DAB1: variants seen among roughly 807,000 people sequenced by gnomAD.
The protein encoded by DAB1 is disabled homolog 1.
DAB1 carries 15 observed loss-of-function variants against 64.6 expected under a neutral mutation model. The observed-to-expected ratio is 0.23, with a 90% confidence interval of 0.16 to 0.36. The LOEUF is 0.36. Ranked by LOEUF, DAB1 falls within the 10% of genes least tolerant of loss-of-function variation. The probability of loss-of-function intolerance (pLI) is 1.00; values close to 1 mark genes in which losing one functional copy is unlikely to be tolerated. For synonymous variants in DAB1, 235 were observed against 251.9 expected, an observed-to-expected ratio of 0.93 and a Z score of 0.64; for missense variants, 596 against 706.7, an observed-to-expected ratio of 0.84 and a Z score of 1.78.
intron 6 of DAB1, among the ~76,000 whole-genome samples, chr1:57,748,293 A>C (rs1337315838): frequency 6.6e-6 from 1 of 152,206 alleles, no homozygotes; most frequent in Non-Finnish European, 1.5e-5. Flanking sequence ...GCAGTCCTTA[A>C]GCCCATGAGG....
intron 9 of DAB1, among the ~76,000 whole-genome samples, chr1:57,030,812 C>T (rs1013487449): frequency 2.0e-5 from 3 of 152,082 alleles, no homozygotes; most frequent in Non-Finnish European, 4.4e-5. Flanking sequence ...TCTTTTAGAC[C>T]CTCTTCCAAA....
At chr1:57,550,318 C>A (rs1644900415) in intron 7 of DAB1, among the ~76,000 whole-genome samples, 1 of 152,114 alleles carries the variant, frequency 6.6e-6, no homozygotes, top group Admixed American at 6.6e-5. Flanking sequence ...AGAGGCTAGA[C>A]CATGATCACT....
At chr1:58,505,272 C>T (rs1299412953) in intron 3 of DAB1, among the ~76,000 whole-genome samples, 2 of 152,216 alleles carry the variant, frequency 1.3e-5, no homozygotes, top group Non-Finnish European at 2.9e-5. Flanking sequence ...ATCTGTTGTG[C>T]TATGCCTTAG....
intron 4 of DAB1, among the ~76,000 whole-genome samples, chr1:57,122,862 G>T (rs1656786249): frequency 6.6e-6 from 1 of 151,936 alleles, no homozygotes; most frequent in South Asian, 2.1e-4. Context: ...CATCATCAAG[G>T]AGAATTTTAT....
rs148508280 is a variant in DAB1 at position 57,028,848 on chromosome 1, T to G, written c.724-2805A>C. Among the ~76,000 whole-genome samples, 219 of 152,294 alleles carry G rather than the reference T, an allele frequency of 1.4e-3. 2 individuals are homozygous for G. Among genetic ancestry groups the G allele is most frequent in the African/African-American group, 5.0e-3 (209 of 41,562 alleles). ...AGCATTCAATAGGTAACTTGGGTGC[T>G]GTTAAAAGCATTCAGTTTTCTAAGG... is the stretch of plus-strand genomic sequence containing the variant. On this transcript the variant is annotated intron_variant, in intron 9 of 14. Transcript: ENST00000371236.
chr1:57,412,132 G>C (rs757350339), intron 1 of DAB1, among the ~76,000 whole-genome samples: 2 of 152,194 alleles, frequency 1.3e-5, no homozygotes. Flanking sequence ...CAGGCACTAT[G>C]AGCCATGCCC....
At chr1:57,319,831 G>A (rs1043561366) in intron 1 of DAB1, among the ~76,000 whole-genome samples, 1 of 152,108 alleles carries the variant, frequency 6.6e-6, no homozygotes, top group Non-Finnish European at 1.5e-5. Flanking sequence ...AAAGAAAGGA[G>A]ATAAGTAAGG....
At chr1:57,392,672 C>T (rs1311497458) in intron 1 of DAB1, among the ~76,000 whole-genome samples, 1 of 152,204 alleles carries the variant, frequency 6.6e-6, no homozygotes, top group Non-Finnish European at 1.5e-5. Context: ...GCACTAAATT[C>T]ATCCAGGTGA....
In DAB1 at chr1:57,951,320, A is replaced by ATATATATATG. The variant is rs1553146809; in HGVS notation, n.388-67159_388-67158insCATATATATA. ...ATCCGGGAAGAGGAGCCTGATTCAT[A>ATATATATATG]TATATATATATACTTCCCTGGAAAC... On this transcript the variant is annotated intron_variant and non_coding_transcript_variant, in intron 5 of 20. Coordinates refer to the DAB1 transcript ENST00000485760. Among the ~76,000 whole-genome samples the ATATATATATG allele has an allele frequency of 5.7e-5, 7 of 123,320 alleles. 2 individuals carry two copies. Among genetic ancestry groups the ATATATATATG allele is most frequent in the African/African-American group, 2.0e-4 (7 of 35,610 alleles). 80.9% of individuals were successfully genotyped at this position (123,320 alleles called of 152,430 possible).
rs149511062 is a variant in DAB1 at position 58,438,541 on chromosome 1, G to A, written n.257+67519C>T. ...CATGCTGGGCACTATTTGTTTCCTCGACTCCGCCCCTGCCCTCACGTTCTG... is the reference window on the plus strand; with the variant it reads ...CATGCTGGGCACTATTTGTTTCCTCAACTCCGCCCCTGCCCTCACGTTCTG... On this transcript the variant is annotated intron_variant and non_coding_transcript_variant, in intron 3 of 20. Coordinates refer to the DAB1 transcript ENST00000485760. Among the ~76,000 whole-genome samples the A allele has an allele frequency of 5.2e-3, 789 of 152,234 alleles. 11 individuals are homozygous for A. Among genetic ancestry groups the A allele is most frequent in the African/African-American group, 0.018 (763 of 41,540 alleles).
chr1:57,931,725 G>T (rs912268151), intron 5 of DAB1, among the ~76,000 whole-genome samples: 2 of 152,058 alleles, frequency 1.3e-5, no homozygotes, highest in Non-Finnish European at 2.9e-5. Flanking sequence ...TTTGCAATTT[G>T]TGTCCTTTGT....
At chr1:57,667,700 A>G (rs970209101) in intron 6 of DAB1, among the ~76,000 whole-genome samples, 2 of 152,098 alleles carry the variant, frequency 1.3e-5, no homozygotes, top group Non-Finnish European at 2.9e-5. Flanking sequence ...ATAGCCATAA[A>G]AAAGAATGAG....
chr1:57,879,469 C>T (rs1176617364), intron 1 of DAB1, among the ~76,000 whole-genome samples: 2 of 152,150 alleles, frequency 1.3e-5, no homozygotes, highest in African/African-American at 2.4e-5. Flanking sequence ...ACTAGCACTA[C>T]TCATCCTAAC....
intron 14 of DAB1, among the ~76,000 whole-genome samples, chr1:57,000,358 T>C (rs1195223319): frequency 6.6e-6 from 1 of 152,152 alleles, no homozygotes; most frequent in Admixed American, 6.5e-5. Flanking sequence ...TCTGCCATTT[T>C]ACAAATATGA....
chr1:58,102,148 C>A (rs917900605), intron 5 of DAB1, among the ~76,000 whole-genome samples: 1 of 152,180 alleles, frequency 6.6e-6, no homozygotes, highest in Non-Finnish European at 1.5e-5. Flanking sequence ...AAGGCTACAC[C>A]GATAGTCAGG....
At chr1:57,470,608 T>G (rs1420642766) in intron 7 of DAB1, among the ~76,000 whole-genome samples, 1 of 152,162 alleles carries the variant, frequency 6.6e-6, no homozygotes, top group African/African-American at 2.4e-5. Context: ...AGTCTTGTCA[T>G]GTAGGAGGAT....
chr1:57,981,379 C>A (rs1570152635), intron 5 of DAB1, among the ~76,000 whole-genome samples: 1 of 152,102 alleles, frequency 6.6e-6, no homozygotes, highest in African/African-American at 2.4e-5. Flanking sequence ...GGAGAGATAG[C>A]CACTGTCTAG....
chr1:57,473,787 T>A (rs2101215040), intron 7 of DAB1, among the ~76,000 whole-genome samples: 1 of 152,284 alleles, frequency 6.6e-6, no homozygotes, highest in Middle Eastern at 3.4e-3. Context: ...GGTGTCTGCA[T>A]TTATCTCTGT....
At chr1:57,815,433 T>G (rs1169493363) in intron 6 of DAB1, among the ~76,000 whole-genome samples, 1 of 152,200 alleles carries the variant, frequency 6.6e-6, no homozygotes, top group Non-Finnish European at 1.5e-5. Context: ...TGGACTGGAC[T>G]GAACTGGAAT....
Sources: allele counts gnomAD v4.1 joint callset (sites outside exome capture counted in the v4.1 genomes callset), GRCh38; gene constraint gnomAD v4.1.1; transcripts MANE v1.5; gene names NCBI Gene and HGNC (gene_info 2026-07-23, HGNC 2026-07-21).